KLHL20: variants seen among roughly 807,000 people sequenced by gnomAD.
KLHL20 encodes kelch-like protein 20.
KLHL20 carries 29 observed loss-of-function variants against 69.5 expected under a neutral mutation model. The observed-to-expected ratio is 0.42, with a 90% CI of 0.31 to 0.57. The LOEUF (loss-of-function observed/expected upper bound fraction) is 0.57. Ranked by LOEUF, KLHL20 falls within the 20% of genes least tolerant of loss-of-function variation. The probability of loss-of-function intolerance (pLI) is 0.18; values close to 1 mark genes in which losing one functional copy is unlikely to be tolerated. For missense variants in KLHL20, 419 were observed against 776.0 expected (o/e 0.54, Z 5.47); for synonymous variants, 253 against 265.2 (o/e 0.95, Z 0.45).
Position 173,732,534 on chromosome 1 carries a change from T to G in KLHL20, c.24-1179T>G, listed in dbSNP as rs546647758. On this transcript the variant is annotated intron_variant, in intron 2 of 11. Transcript: ENST00000209884. ...ATCTATACAAATTTGTGTGTGTACA[T>G]ACACACAATTGAACATGCTTAACTA... Among the ~76,000 whole-genome samples the G allele has an allele frequency of 7.9e-5, 12 of 152,274 alleles. No homozygotes were observed. The South Asian group carries it at 2.5e-3, about 32-fold the overall frequency.
intron 3 of KLHL20, among the ~76,000 whole-genome samples, chr1:173,743,888 A>G (rs1347297073): frequency 6.6e-6 from 1 of 152,092 alleles, no homozygotes; most frequent in Non-Finnish European, 1.5e-5. Context: ...TGGATGTACC[A>G]CTGTTGGTTC....
At chr1:173,733,611 GC>G (rs1672385527) in intron 2 of KLHL20, 101 bp from the exon 3 acceptor site, 1 of 1,040,920 alleles carries the variant, frequency 9.6e-7, no homozygotes, top group Non-Finnish European at 1.4e-6. Flanking sequence ...AAATCACCAA[GC>G]TAATTACATT....
At chr1:173,726,984 A>G (rs1370131493) in intron 2 of KLHL20, among the ~76,000 whole-genome samples, 1 of 152,208 alleles carries the variant, frequency 6.6e-6, no homozygotes, top group Non-Finnish European at 1.5e-5. Context: ...CATGGCAAAG[A>G]AGTTAAAAAC....
At chr1:173,741,988 A>C (rs1672827859) in intron 3 of KLHL20, 5 of 613,664 alleles carry the variant, frequency 8.1e-6, no homozygotes, top group Admixed American at 2.8e-5. Context: ...TTTGGATAAA[A>C]AAAATTGTAA....
At chr1:173,741,898 G>A (rs1322684479) in intron 3 of KLHL20, 32 of 1,483,414 alleles carry the variant, frequency 2.2e-5, no homozygotes, top group Admixed American at 1.2e-4. Context: ...AGGCTTACAA[G>A]AAGGATGTTC....
chr1:173,748,641 A>G (rs925168716), intron 3 of KLHL20, among the ~76,000 whole-genome samples: 1 of 152,168 alleles, frequency 6.6e-6, no homozygotes, highest in Admixed American at 6.5e-5. Context: ...ACAATATGCT[A>G]AATTAGGCTT....
chr1:173,751,687 C>T, intron 3 of KLHL20, 77 bp from the exon 4 acceptor site: 1 of 1,433,956 alleles, frequency 7.0e-7, no homozygotes, highest in South Asian at 1.2e-5. Context: ...AGCTTTGTCC[C>T]ATAACCCTGA....
At chr1:173,752,198 T>C (rs1673347660) in intron 4 of KLHL20, among the ~76,000 whole-genome samples, 1 of 150,540 alleles carries the variant, frequency 6.6e-6, no homozygotes, top group African/African-American at 2.4e-5. Context: ...ATCGTGCCAC[T>C]GTATTCCAGC....
At chr1:173,727,333 A>G (rs1001986010) in intron 2 of KLHL20, among the ~76,000 whole-genome samples, 2 of 152,210 alleles carry the variant, frequency 1.3e-5, no homozygotes, top group Admixed American at 6.5e-5. Context: ...TCTGCAGGAT[A>G]TTATCCACGA....
intron 3 of KLHL20, 111 bp downstream of exon 3, chr1:173,734,397 A>G (rs1412052312): frequency 2.2e-6 from 2 of 900,430 alleles, no homozygotes; most frequent in Non-Finnish European, 3.6e-6. Flanking sequence ...AACTCATAAT[A>G]GCAAATAAAT....
intron 2 of KLHL20, among the ~76,000 whole-genome samples, chr1:173,729,692 T>C (rs1672161947): frequency 6.6e-6 from 1 of 152,146 alleles, no homozygotes; most frequent in Admixed American, 6.6e-5. Context: ...CTAAAAACTC[T>C]CAATAAATTA....
chr1:173,725,932 C>G (rs1671934882), intron 2 of KLHL20, among the ~76,000 whole-genome samples: 1 of 152,142 alleles, frequency 6.6e-6, no homozygotes, highest in Non-Finnish European at 1.5e-5. Flanking sequence ...CGAGCGTGAG[C>G]CAAAGCAGGG....
rs1672412912 is a variant in KLHL20 at position 173,734,037 on chromosome 1, G to A, written c.348G>A (p.Glu116=). Residue 116 remains glutamate, a synonymous_variant, in exon 3 of 12, where the codon GAG becomes GAA. Transcript: ENST00000209884. The part of the protein sequence containing the change: ...QTEVVIRDID[E]RAMELLIDFA... ...AAGTAGTGATCCGAGACATTGACGA[G>A]AGGGCTATGGAATTACTGATTGACT... The A allele has an allele frequency of 1.2e-6, 2 of 1,614,084 alleles. No homozygotes were observed. The highest frequency in any genetic ancestry group is 1.7e-5 in the Admixed American group (1 of 60,006).
At chr1:173,746,777 T>C (rs1299654600) in intron 3 of KLHL20, among the ~76,000 whole-genome samples, 1 of 152,040 alleles carries the variant, frequency 6.6e-6, no homozygotes, top group Non-Finnish European at 1.5e-5. Flanking sequence ...GCTTGTACTT[T>C]CTTTTGGCTT....
intron 3 of KLHL20, among the ~76,000 whole-genome samples, chr1:173,738,647 A>G (rs1672649901): frequency 6.6e-6 from 1 of 152,110 alleles, no homozygotes; most frequent in African/African-American, 2.4e-5. Context: ...GATGGTTTTT[A>G]TTACCTTAAG....
intron 2 of KLHL20, among the ~76,000 whole-genome samples, chr1:173,719,830 C>A (rs1671634874): frequency 1.3e-5 from 2 of 152,136 alleles, no homozygotes; most frequent in Admixed American, 1.3e-4. Flanking sequence ...TTCCAACTTT[C>A]CTTAAATATA....
chr1:173,784,893 C>T (rs1649107472), intron 11 of KLHL20, among the ~76,000 whole-genome samples: 1 of 152,096 alleles, frequency 6.6e-6, no homozygotes, highest in African/African-American at 2.4e-5. Flanking sequence ...GTTCTGATGC[C>T]AAACGTGAAT....
At chr1:173,764,370 C>T (rs1647536265) in intron 7 of KLHL20, among the ~76,000 whole-genome samples, 2 of 152,168 alleles carry the variant, frequency 1.3e-5, no homozygotes, top group Non-Finnish European at 2.9e-5. Context: ...AATCCCACTA[C>T]TGGGTATCTA....
chr1:173,762,241 C>T (rs1553286424), intron 7 of KLHL20, among the ~76,000 whole-genome samples: 1 of 150,172 alleles, frequency 6.7e-6, no homozygotes, highest in Non-Finnish European at 1.5e-5. Context: ...AAAATTACAA[C>T]AAAAAAAAAG....
Sources: gnomAD v4.1 joint callset for allele counts (sites outside exome capture counted in the v4.1 genomes callset) on GRCh38, gnomAD v4.1.1 for gene constraint, MANE v1.5 for transcripts, NCBI Gene and HGNC (gene_info 2026-07-23, HGNC 2026-07-21) for gene names.